Variants in MYO18B observed in about 807,000 individuals in gnomAD.
MYO18B encodes the protein myosin XVIIIB, also known as unconventional myosin-XVIIIb.
A neutral mutation model predicts 273.0 loss-of-function variants in MYO18B; 204 were observed. That is an observed-to-expected ratio of 0.75 (90% confidence interval 0.67 to 0.84). MYO18B has a LOEUF of 0.84. MYO18B is among the 40% of genes least tolerant of loss of function. The probability of loss-of-function intolerance (pLI) is 0.00; values close to 1 mark genes in which losing one functional copy is unlikely to be tolerated. For missense variants in MYO18B, 3,212 were observed against 3,287.6 expected, an observed-to-expected ratio of 0.98 and a Z score of 0.56; for synonymous variants, 1,330 against 1,305.7, an observed-to-expected ratio of 1.02 and a Z score of -0.40.
chr22:25,881,279 C>T (rs1195691257), intron 25 of MYO18B, among the ~76,000 whole-genome samples: 5 of 152,216 alleles, frequency 3.3e-5, no homozygotes, highest in Admixed American at 1.3e-4. Flanking sequence ...AGCCTTGCTC[C>T]TTGCAGGAAG....
chr22:26,056,639 A>G, the MYO18B span, among the ~76,000 whole-genome samples: 1 of 152,326 alleles, frequency 6.6e-6, no homozygotes, highest in Admixed American at 6.5e-5. Flanking sequence ...CATTTCTGCC[A>G]ACAACAACAT....
intron 11 of MYO18B, among the ~76,000 whole-genome samples, 165 bp from the exon 12 acceptor site, chr22:25,797,788 G>A (rs571585975): frequency 2.0e-5 from 3 of 152,272 alleles, no homozygotes; most frequent in East Asian, 3.9e-4. Flanking sequence ...TTTCCCAGTC[G>A]CCTGAGTTTG....
chr22:25,815,869 C>T (rs193048325), intron 12 of MYO18B, among the ~76,000 whole-genome samples: 2 of 152,332 alleles, frequency 1.3e-5, no homozygotes, highest in East Asian at 3.9e-4. Context: ...TGCTCATAGT[C>T]CCCAGAACAC....
In MYO18B at chr22:25,947,825, T is replaced by C. The variant is rs2092732936; in HGVS notation, c.5745T>C (p.Ala1915=). 3 of 1,612,826 alleles carry C rather than the reference T, an allele frequency of 1.9e-6. No individual in the cohort carries two copies. The highest frequency in any genetic ancestry group is 2.5e-6 in the Non-Finnish European group (3 of 1,179,024). The change falls in exon 36 of 44, where the codon GCT becomes GCC. Residue 1915 remains alanine, a synonymous_variant. Coordinates refer to ENST00000335473, the MANE Select transcript of MYO18B (RefSeq NM_032608.7). ...TGCAGAAGCACAAGGACCTCATTGC[T>C]CAGGTAGTGAATGAGACCTTGGTGG... is the stretch of plus-strand genomic sequence containing the variant. ...ELMQKHKDLI[A]QSAADIGQIQ...
rs372272536 is a variant in MYO18B, at chr22:25,792,381, G to A, written c.2377-5572G>A. On this transcript the variant is annotated intron_variant, in intron 11 of 43. Coordinates refer to ENST00000335473, the MANE Select transcript of MYO18B (RefSeq NM_032608.7). ...GAAGTGGATTGGTGAGATGCTGAGC[G>A]ACGGGTAGGGCAGCTCCTGGCTGTG... Among the ~76,000 whole-genome samples, 213 of 150,214 alleles carry A rather than the reference G, an allele frequency of 1.4e-3. 9 individuals carry two copies. The South Asian group carries it at 0.044, about 31-fold the overall frequency.
At chr22:26,020,994 C>T (rs1446436030) in intron 42 of MYO18B, among the ~76,000 whole-genome samples, 2 of 152,074 alleles carry the variant, frequency 1.3e-5, no homozygotes, top group Admixed American at 1.3e-4. Flanking sequence ...GAGGCGGAGG[C>T]AAGAGAATCA....
the MYO18B span, among the ~76,000 whole-genome samples, chr22:26,051,014 T>C: frequency 6.6e-6 from 1 of 151,980 alleles, no homozygotes; most frequent in Non-Finnish European, 1.5e-5. Context: ...GAGAGGGAGA[T>C]AAAGATGCAA....
rs566573348 is a variant in MYO18B at position 25,931,223 on chromosome 22, T to C, written c.5517+9814T>C. Among the ~76,000 whole-genome samples, 9 of 152,310 alleles carry C rather than the reference T, an allele frequency of 5.9e-5. No individual in the cohort carries two copies. The South Asian group carries it at 1.9e-3, about 32-fold the overall frequency. ...AAGATAAAGACAGAATTGTAATTGG[T>C]TAAAAACATGGTTATCACAGGCCTG... On this transcript the variant is annotated intron_variant, in intron 34 of 43. Coordinates refer to ENST00000335473, the MANE Select transcript of MYO18B (RefSeq NM_032608.7).
chr22:26,045,410 G>C, the MYO18B span, among the ~76,000 whole-genome samples: 1 of 152,176 alleles, frequency 6.6e-6, no homozygotes, highest in Non-Finnish European at 1.5e-5. Flanking sequence ...TCAGGGAAAG[G>C]CTTTAGACCT....
chr22:25,947,831 A>G lies in MYO18B; in HGVS notation c.5748+3A>G, dbSNP rs938535377. ...AGCACAAGGACCTCATTGCTCAGGT[A>G]GTGAATGAGACCTTGGTGGAAGAAG... On this transcript the variant is annotated splice_donor_region_variant and intron_variant, in intron 36 of 43. Transcript: ENST00000335473. 2 of 1,609,916 alleles carry G rather than the reference A, an allele frequency of 1.2e-6. No individual in the cohort carries two copies. Among genetic ancestry groups the G allele is most frequent in the South Asian group, 1.1e-5 (1 of 90,874 alleles).
intron 21 of MYO18B, among the ~76,000 whole-genome samples, chr22:25,855,507 T>C (rs2090545219): frequency 1.3e-5 from 2 of 152,060 alleles, no homozygotes; most frequent in African/African-American, 4.8e-5. Context: ...ATGATCTCGA[T>C]CTGACCTCGT....
chr22:25,943,713 T>A (rs2092671926), intron 34 of MYO18B, among the ~76,000 whole-genome samples: 1 of 7,814 alleles, frequency 1.3e-4, no homozygotes, highest in Admixed American at 6.0e-4. Flanking sequence ...TTTCTTTCCT[T>A]TTTTTTTTTT....
At chr22:26,048,698 T>TA in the MYO18B span, among the ~76,000 whole-genome samples, 2,528 of 151,114 alleles carry the variant, frequency 0.017, 30 homozygotes, top group African/African-American at 0.023. Context: ...CTCTCATTAT[T>TA]AAAAAAAAAC....
At chr22:25,903,133 G>A in intron 30 of MYO18B, 1 of 212,046 alleles carries the variant, frequency 4.7e-6, no homozygotes, top group Non-Finnish European at 9.5e-6. Context: ...TCCTTTTGTG[G>A]TTCTCTACTA....
chr22:25,833,942 T>A (rs1340421828), intron 16 of MYO18B, among the ~76,000 whole-genome samples: 1 of 152,108 alleles, frequency 6.6e-6, no homozygotes, highest in Non-Finnish European at 1.5e-5. Context: ...TGCAAAGCCC[T>A]CTCCTGTGTA....
intron 1 of MYO18B, among the ~76,000 whole-genome samples, chr22:25,759,903 G>A (rs2086248458): frequency 6.6e-6 from 1 of 152,088 alleles, no homozygotes; most frequent in Non-Finnish European, 1.5e-5. Context: ...AAATTTTCTG[G>A]TTTAGGATTA....
chr22:25,976,130 G>A (rs965412098), intron 39 of MYO18B, among the ~76,000 whole-genome samples: 3 of 152,180 alleles, frequency 2.0e-5, no homozygotes, highest in African/African-American at 7.2e-5. Context: ...CTGATATCTG[G>A]TGGGTAGAGG....
chr22:25,922,582 A>C (rs2092363760), intron 34 of MYO18B, among the ~76,000 whole-genome samples: 1 of 152,166 alleles, frequency 6.6e-6, no homozygotes, highest in African/African-American at 2.4e-5. Context: ...ATTCTTGCTA[A>C]GCCCAGATGC....
At position 25,763,315 on chromosome 22, in the gene MYO18B, G is replaced by GT; in HGVS notation, c.125dup (p.Arg43ProfsTer4). 6.2e-7 allele frequency: 1 copy of GT among 1,613,286 alleles called. No individual in the cohort carries two copies. The highest frequency in any genetic ancestry group is 1.1e-5 in the South Asian group (1 of 91,008). ...CCCAGGGGGCTTCATTAAGCAACTG[G>GT]TCCGGGGGACTGAAAAAGAGGCCAA... is the stretch of plus-strand genomic sequence containing the variant. On this transcript the variant is annotated frameshift_variant, in exon 3 of 44. Transcript: ENST00000335473. LOFTEE classifies it high-confidence loss of function.
Sources: gnomAD v4.1 joint callset for allele counts (sites outside exome capture counted in the v4.1 genomes callset) on GRCh38, gnomAD v4.1.1 for gene constraint, MANE v1.5 for transcripts, NCBI Gene and HGNC (gene_info 2026-07-23, HGNC 2026-07-21) for gene names.